Variants in METTL22 observed in about 807,000 individuals in gnomAD.
METTL22 encodes the protein methyltransferase-like protein 22.
A neutral mutation model predicts 48.4 loss-of-function variants in METTL22; 51 were observed. The ratio of observed to expected loss-of-function variants is 1.05; its 90% CI spans 0.84 to 1.33. The LOEUF is 1.33. Ranked by LOEUF, METTL22 falls within the 40% of genes most tolerant of loss-of-function variation. METTL22 has a pLI of 0.00. For missense variants in METTL22, 678 were observed against 526.9 expected, an observed-to-expected ratio of 1.29 and a Z score of -2.81; for synonymous variants, 255 against 214.1, an observed-to-expected ratio of 1.19 and a Z score of -1.67.
the METTL22 span, among the ~76,000 whole-genome samples, chr16:8,656,882 G>A: frequency 5.3e-5 from 8 of 152,356 alleles, no homozygotes; most frequent in East Asian, 9.6e-4. Context: ...AGCAGAAGGC[G>A]CCACATGGTA....
intron 10 of METTL22, 107 bp from the exon 11 acceptor site, chr16:8,646,001 T>G: frequency 2.6e-6 from 4 of 1,539,850 alleles, no homozygotes; most frequent in East Asian, 2.4e-5. Context: ...GCTCCGTGGC[T>G]GACGTGTTGT....
At chr16:8,642,293 A>C (rs1615559) in intron 8 of METTL22, 86 bp downstream of exon 8, 1,339,527 of 1,343,006 alleles carry the variant, frequency 1, 668,107 homozygotes, top group East Asian at 1. Flanking sequence ...CCGGGAGTTC[A>C]GTTTTAGAAG....
chr16:8,643,935 G>A (rs1207369442), intron 9 of METTL22, among the ~76,000 whole-genome samples: 1 of 152,160 alleles, frequency 6.6e-6, no homozygotes, highest in African/African-American at 2.4e-5. Context: ...TACTCCTGTT[G>A]CATGTCTGGA....
the METTL22 span, among the ~76,000 whole-genome samples, chr16:8,660,348 A>ATT: frequency 1.3e-5 from 2 of 149,138 alleles, no homozygotes; most frequent in South Asian, 2.1e-4. Context: ...TAATTTTTGT[A>ATT]TTTTTTTTTA....
At chr16:8,655,923 G>A in the METTL22 span, among the ~76,000 whole-genome samples, 1 of 152,212 alleles carries the variant, frequency 6.6e-6, no homozygotes, top group Admixed American at 6.5e-5. Flanking sequence ...TTCTGGCTTG[G>A]AGGACTGTGT....
At chr16:8,666,768 C>G in the METTL22 span, 1 of 103,344 alleles carries the variant, frequency 9.7e-6, no homozygotes, top group South Asian at 3.2e-4. Flanking sequence ...ATTTTCTTTT[C>G]TTTCTTTCTT....
chr16:8,646,147 A>T lies in METTL22; in HGVS notation c.*4A>T, dbSNP rs1178131538. The stretch of plus-strand genomic sequence containing the variant: ...CATCGCAGAACCAGTAACATGACCC[A>T]TCGCCTCCACAAGGCGCGGCGTCTC... On this transcript the variant is annotated 3_prime_UTR_variant, in exon 11 of 11. Transcript: ENST00000381920. 6.2e-7 allele frequency: 1 copy of T among 1,610,308 alleles called. No homozygotes were observed. The highest frequency in any genetic ancestry group is 8.5e-7 in the Non-Finnish European group (1 of 1,178,984).
In METTL22 at chr16:8,645,083, G is replaced by C. The variant is rs536552327; in HGVS notation, c.1179+358G>C. On this transcript the variant is annotated intron_variant, in intron 10 of 10. Transcript: ENST00000381920. The stretch of plus-strand genomic sequence containing the variant: ...TTGTGGGTTGCAGATCTTGGTGCAG[G>C]CGCCCCGCTGTGGTGGCCGCTGCTC... The C allele has an allele frequency of 4.5e-5, 8 of 178,728 alleles. No individual in the cohort carries two copies. In the South Asian group the frequency reaches 1.2e-3, roughly 27 times the overall value. The allele number at this position is 178,728 out of a possible 1,614,324, so 11.1% of individuals were successfully genotyped here. A position where few individuals can be genotyped will look rare whatever the true frequency, so the allele number is the denominator to read the frequency against.
In METTL22 at chr16:8,646,109, A is replaced by C. The variant is rs2141823799; in HGVS notation, c.1181A>C (p.Glu394Ala). 7.5e-7 allele frequency: 1 copy of C among 1,340,168 alleles called. No homozygotes were observed. The highest frequency in any genetic ancestry group is 9.6e-7 in the Non-Finnish European group (1 of 1,041,136). The allele number at this position is 1,340,168 out of a possible 1,614,324, so 83.0% of individuals were successfully genotyped here. Residue 394 changes from glutamate (E) to alanine (A), a missense_variant and splice_region_variant, in exon 11 of 11, where the codon GAG (glutamate) becomes GCG (alanine). Transcript: ENST00000381920. ...TGTTCTTTTCTCTGTTTGCTGCAGG[A>C]GCTCTGGAAGATCATCGCAGAACCA... Reference protein sequence around the residue: ...LLVYERLQQLELWKIIAEPVT With the variant: ...LLVYERLQQLALWKIIAEPVT
chr16:8,653,239 C>A (rs975537171), downstream of METTL22, among the ~76,000 whole-genome samples: 4 of 152,212 alleles, frequency 2.6e-5, no homozygotes, highest in Admixed American at 2.0e-4. Context: ...ATCACTCTGA[C>A]AGTTTTGTGA....
At chr16:8,633,172 C>T (rs1040970652) in intron 3 of METTL22, among the ~76,000 whole-genome samples, 9 of 152,150 alleles carry the variant, frequency 5.9e-5, no homozygotes, top group African/African-American at 1.2e-4. Flanking sequence ...TTCCCCTCCA[C>T]GCACAAGCAC....
chr16:8,665,370 T>G, the METTL22 span, among the ~76,000 whole-genome samples: 1 of 152,088 alleles, frequency 6.6e-6, no homozygotes, highest in African/African-American at 2.4e-5. Context: ...GGGTCTGACC[T>G]TGAACCCTGG....
At chr16:8,633,173 G>A (rs374644875) in intron 3 of METTL22, among the ~76,000 whole-genome samples, 1 of 152,100 alleles carries the variant, frequency 6.6e-6, no homozygotes, top group Non-Finnish European at 1.5e-5. Context: ...TCCCCTCCAC[G>A]CACAAGCACA....
chr16:8,654,392 C>T (rs2056936578), downstream of METTL22, among the ~76,000 whole-genome samples: 1 of 152,176 alleles, frequency 6.6e-6, no homozygotes, highest in East Asian at 1.9e-4. Context: ...CATGGTTAAC[C>T]TTGATTAACC....
At chr16:8,630,559 C>T (rs2056223548) in intron 3 of METTL22, among the ~76,000 whole-genome samples, 1 of 152,112 alleles carries the variant, frequency 6.6e-6, no homozygotes, top group Admixed American at 6.5e-5. Context: ...TGGCTCATTT[C>T]CCTCTGAGCC....
At chr16:8,624,585 G>C (rs897372707) in intron 1 of METTL22, among the ~76,000 whole-genome samples, 1 of 152,042 alleles carries the variant, frequency 6.6e-6, no homozygotes, top group East Asian at 1.9e-4. Flanking sequence ...AGAGCTTTAA[G>C]CCAGGCATGA....
intron 3 of METTL22, among the ~76,000 whole-genome samples, chr16:8,632,749 A>G (rs2056305654): frequency 6.6e-6 from 1 of 152,212 alleles, no homozygotes; most frequent in African/African-American, 2.4e-5. Flanking sequence ...AGGAAACTGT[A>G]GCTCTGTCTC....
chr16:8,642,557 G>A lies in METTL22; in HGVS notation c.1002G>A (p.Val334=), dbSNP rs371275982. ...ATGCCTGCACAGCCATACTGTCGGT[G>A]GAGAAGAGGTGAGCTTTGCGCCACG... The part of the protein sequence containing the change: ...LKNACTAILS[V]EKRLNFTLRH... Residue 334 remains valine (V), a synonymous_variant, in exon 9 of 11, where the codon GTG becomes GTA. Coordinates refer to ENST00000381920, the MANE Select transcript of METTL22 (RefSeq NM_024109.4). 7.1e-4 allele frequency: 1,147 copies of A among 1,614,188 alleles called. 16 individuals are homozygous for A. In the South Asian group the frequency reaches 0.012, roughly 17 times the overall value.
At chr16:8,645,362 T>C (rs2056755406) in intron 10 of METTL22, among the ~76,000 whole-genome samples, 1 of 152,190 alleles carries the variant, frequency 6.6e-6, no homozygotes, top group Non-Finnish European at 1.5e-5. Flanking sequence ...TGTGGTTTTG[T>C]GTGCGAGGAG....
Sources: allele counts gnomAD v4.1 joint callset (sites outside exome capture counted in the v4.1 genomes callset), GRCh38; gene constraint gnomAD v4.1.1; transcripts MANE v1.5; gene names NCBI Gene and HGNC (gene_info 2026-07-23, HGNC 2026-07-21).